ARFGEF2: variants seen among roughly 807,000 people sequenced by gnomAD.
ARFGEF2 encodes the protein brefeldin A-inhibited guanine nucleotide-exchange protein 2.
ARFGEF2 carries 74 observed loss-of-function variants against 219.9 expected under a neutral mutation model. The ratio of observed to expected loss-of-function variants is 0.34; its 90% CI spans 0.28 to 0.41. The LOEUF (loss-of-function observed/expected upper bound fraction) is 0.41. Among genes scored for constraint, ARFGEF2 ranks in the 10% least tolerant of loss-of-function variants. ARFGEF2 has a pLI of 1.00. For synonymous variants in ARFGEF2, 733 were observed against 799.2 expected (o/e 0.92, Z 1.40); for missense variants, 1,743 against 2,218.3 (o/e 0.79, Z 4.30).
At chr20:49,016,129 C>A in intron 30 of ARFGEF2, 151 bp from the exon 31 acceptor site, 1 of 794,360 alleles carries the variant, frequency 1.3e-6, no homozygotes, top group Non-Finnish European at 2.1e-6. Context: ...TGTATATCCT[C>A]TGTACATATG....
chr20:48,970,831 A>G (rs2091222655), intron 9 of ARFGEF2, among the ~76,000 whole-genome samples: 1 of 152,104 alleles, frequency 6.6e-6, no homozygotes, highest in Non-Finnish European at 1.5e-5. Context: ...TGATTCTTGC[A>G]GTACAGTTGC....
intron 26 of ARFGEF2, among the ~76,000 whole-genome samples, chr20:49,008,597 A>G (rs979542345): frequency 2.0e-5 from 3 of 151,986 alleles, no homozygotes; most frequent in East Asian, 1.9e-4. Context: ...ATAATGTGGG[A>G]AATGACTAAT....
intron 2 of ARFGEF2, 128 bp downstream of exon 2, chr20:48,941,357 A>C (rs768119369): frequency 1.0e-6 from 1 of 981,084 alleles, no homozygotes; most frequent in Non-Finnish European, 1.6e-6. Context: ...CTCTGCAAGC[A>C]TGGTGCTAGG....
At chr20:48,963,175 C>CAAAAAAAAAAA (rs71337478) in intron 6 of ARFGEF2, among the ~76,000 whole-genome samples, 5 of 110,830 alleles carry the variant, frequency 4.5e-5, no homozygotes, top group East Asian at 2.6e-4. Context: ...AACTCTGTCT[C>CAAAAAAAAAAA]AAAAAAAAAA....
At chr20:48,966,050 C>T in intron 8 of ARFGEF2, 27 bp downstream of exon 8, 1 of 1,613,680 alleles carries the variant, frequency 6.2e-7, no homozygotes, top group African/African-American at 1.3e-5. Context: ...CCTCTGTGGA[C>T]TTATTGCCAT....
intron 20 of ARFGEF2, 113 bp downstream of exon 20, chr20:48,989,797 A>C: frequency 6.7e-7 from 1 of 1,486,114 alleles, no homozygotes; most frequent in Non-Finnish European, 9.2e-7. Context: ...TTAGCAAGCT[A>C]CTTACTTATG....
chr20:48,953,356 T>C (rs1456044002), intron 5 of ARFGEF2, among the ~76,000 whole-genome samples, 200 bp from the exon 6 acceptor site: 1 of 151,898 alleles, frequency 6.6e-6, no homozygotes, highest in Non-Finnish European at 1.5e-5. Context: ...TTTTATTTTC[T>C]ATAGAGACAG....
chr20:49,025,328 G>A lies in ARFGEF2; in HGVS notation c.4771G>A (p.Ala1591Thr), dbSNP rs779067106. The A allele has an allele frequency of 4.3e-6, 7 of 1,612,136 alleles. No individual in the cohort carries two copies. The East Asian group carries it at 8.9e-5, about 21-fold the overall frequency. The change falls in exon 36 of 39, where the codon GCA (alanine) becomes ACA (threonine). Residue 1591 changes from alanine (A) to threonine (T), a missense_variant. By Grantham distance (58) the Ala-to-Thr change is moderately conservative. This residue lies in a region of ARFGEF2 where 578 missense variants were observed against 664.0 expected (regional missense o/e 0.87). Transcript: ENST00000371917. ...MVAAQQDTLD[A>T]DIHIETEDQG... ...TGTCCTCTAGCAAGACACGCTGGAT[G>A]CAGATATCCACATAGAGACGGAGGA...
At chr20:48,945,359 G>A (rs1411168322) in intron 3 of ARFGEF2, among the ~76,000 whole-genome samples, 1 of 152,194 alleles carries the variant, frequency 6.6e-6, no homozygotes, top group Non-Finnish European at 1.5e-5. Flanking sequence ...TAAACATTTA[G>A]TATGTGTTCC....
chr20:48,952,766 C>T lies in ARFGEF2; in HGVS notation c.485C>T (p.Thr162Ile). 6.2e-7 allele frequency: 1 copy of T among 1,614,202 alleles called. No individual in the cohort carries two copies. Among genetic ancestry groups the T allele is most frequent in the Non-Finnish European group, 8.5e-7 (1 of 1,180,026 alleles). The change falls in exon 5 of 39, where the codon ACA becomes ATA. Residue 162 changes from threonine to isoleucine, a missense_variant. Around this residue, in one of 5 missense-constraint regions of ARFGEF2, gnomAD observed 394 missense variants for 426.6 expected, o/e 0.92. Coordinates refer to ENST00000371917, the MANE Select transcript of ARFGEF2 (RefSeq NM_006420.3). ...IEIHEGTILQ[T>I]VRTCYNIYLA... is the part of the protein sequence containing the mutation. ...ATTCATGAGGGTACTATCCTGCAGA[C>T]AGTGAGAACATGTTACAATATCTAT...
At chr20:49,030,032 C>T (rs1275667104) in intron 37 of ARFGEF2, among the ~76,000 whole-genome samples, 3 of 151,398 alleles carry the variant, frequency 2.0e-5, no homozygotes, top group Non-Finnish European at 2.9e-5. Context: ...ATCAGCCTCC[C>T]GAGTAGCTGG....
In ARFGEF2 at chr20:48,971,134, G is replaced by T; in HGVS notation, c.1205G>T (p.Arg402Leu). ...GPPDPKSHEL[R>L]SKVVSLQLLL... ...TTCTTTGCCAGATCCCATGAGCTGCGTTCCAAGGTGGTTTCCCTGCAGCTG... is the reference window on the plus strand; with the variant it reads ...TTCTTTGCCAGATCCCATGAGCTGCTTTCCAAGGTGGTTTCCCTGCAGCTG... Residue 402 changes from arginine (R) to leucine (L), a missense_variant, in exon 10 of 39, where the codon CGT becomes CTT. Arg to Leu is a moderately radical substitution (Grantham distance 102). This residue lies in a region of ARFGEF2 where 666 missense variants were observed against 955.4 expected (regional missense o/e 0.70). Transcript: ENST00000371917. 6.2e-7 allele frequency: 1 copy of T among 1,613,986 alleles called. No individual in the cohort carries two copies. Among genetic ancestry groups the T allele is most frequent in the Non-Finnish European group, 8.5e-7 (1 of 1,179,992 alleles).
chr20:48,951,392 G>A lies in ARFGEF2; in HGVS notation c.346G>A (p.Asp116Asn), dbSNP rs748227723. 1.2e-5 allele frequency: 19 copies of A among 1,614,072 alleles called. No homozygotes were observed. Among genetic ancestry groups the A allele is most frequent in the South Asian group, 2.2e-5 (2 of 91,082 alleles). ...DSGAPGKRLI[D>N]RIVETICSCF... Reference sequence around the variant, plus strand: ...TGGAGCCCCTGGGAAGCGGCTGATCGACAGAATTGTTGAAACCATTTGCAG... The same window carrying A: ...TGGAGCCCCTGGGAAGCGGCTGATCAACAGAATTGTTGAAACCATTTGCAG... Residue 116 changes from aspartate (D) to asparagine (N), a missense_variant, in exon 4 of 39, where the codon GAC becomes AAC. Physicochemically the swap from Asp to Asn is conservative, Grantham distance 23. This residue lies in a region of ARFGEF2 where 394 missense variants were observed against 426.6 expected (regional missense o/e 0.92). Transcript: ENST00000371917.
intron 26 of ARFGEF2, among the ~76,000 whole-genome samples, chr20:49,009,025 A>G (rs2123512356): frequency 6.6e-6 from 1 of 152,156 alleles, no homozygotes; most frequent in East Asian, 1.9e-4. Context: ...TTTTTATCAT[A>G]CTTTTTCTGT....
At chr20:49,025,283 A>G (rs2123564443) in intron 35 of ARFGEF2, 30 bp from the exon 36 acceptor site, 1 of 1,592,886 alleles carries the variant, frequency 6.3e-7, no homozygotes, top group South Asian at 1.1e-5. Context: ...CTTCTTCATT[A>G]GCTCTTCTAT....
rs569160139 is a variant in ARFGEF2, at chr20:48,983,182, G to A, written c.1959-1547G>A. 3.3e-5 allele frequency among the ~76,000 whole-genome samples: 5 copies of A among 152,312 alleles called. No individual in the cohort carries two copies. The South Asian group carries it at 1.0e-3, about 32-fold the overall frequency. On this transcript the variant is annotated intron_variant, in intron 14 of 38. Transcript: ENST00000371917. ...TATATTTTTCTGAACCATTTTGAAA[G>A]TAATTGGTAGCCATCATGAGACCTT...
At position 49,013,585 on chromosome 20, in the gene ARFGEF2, G is replaced by A; in HGVS notation, c.3940G>A (p.Asp1314Asn). The change falls in exon 29 of 39, where the codon GAT (aspartate) becomes AAT (asparagine). Residue 1314 changes from aspartate (D) to asparagine (N), a missense_variant. By Grantham distance (23) the Asp-to-Asn change is conservative. This residue lies in a region of ARFGEF2 where 578 missense variants were observed against 664.0 expected (regional missense o/e 0.87). Transcript: ENST00000371917. Reference protein sequence around the residue: ...RPRVLQEYTSDDMNVAPGDRV... With the variant: ...RPRVLQEYTSNDMNVAPGDRV... ...CTAGGTGCTACAAGAATACACAAGT[G>A]ATGACATGAATGTAGCTCCTGGTGA... 3 of 1,614,174 alleles carry A rather than the reference G, an allele frequency of 1.9e-6. No homozygotes were observed. Among genetic ancestry groups the A allele is most frequent in the Non-Finnish European group, 2.5e-6 (3 of 1,180,014 alleles).
In ARFGEF2 at chr20:48,995,675, T is replaced by A. The variant is rs890735302; in HGVS notation, c.3122-108T>A. 5.1e-6 allele frequency: 5 copies of A among 973,708 alleles called. No homozygotes were observed. The African/African-American group carries it at 8.0e-5, about 15-fold the overall frequency. 60.3% of individuals were successfully genotyped at this position (973,708 alleles called of 1,614,324 possible). ...TTGTTTCTTTTTTGAACTTGCAGAG[T>A]CATTCCCATTTATGTCCCCTGTCCC... On this transcript the variant is annotated intron_variant, in intron 22 of 38. Transcript: ENST00000371917.
At position 48,985,490 on chromosome 20, in the gene ARFGEF2, G is replaced by A; in HGVS notation, c.2153G>A (p.Cys718Tyr). 1 of 1,614,206 alleles carries A rather than the reference G, an allele frequency of 6.2e-7. No individual in the cohort carries two copies. Among genetic ancestry groups the A allele is most frequent in the Non-Finnish European group, 8.5e-7 (1 of 1,180,044 alleles). Reference protein sequence around the residue: ...MYAYVDQLDFCEKEFVSALRT... With the variant: ...MYAYVDQLDFYEKEFVSALRT... Reference sequence around the variant, plus strand: ...GCCTACGTGGACCAACTTGACTTCTGTGAAAAAGAATTTGTCTCAGCCCTG... The same window carrying A: ...GCCTACGTGGACCAACTTGACTTCTATGAAAAAGAATTTGTCTCAGCCCTG... Residue 718 changes from cysteine (C) to tyrosine (Y), a missense_variant, in exon 16 of 39, where the codon TGT (cysteine) becomes TAT (tyrosine). Coordinates refer to ENST00000371917, the MANE Select transcript of ARFGEF2 (RefSeq NM_006420.3).
Sources: allele counts gnomAD v4.1 joint callset (sites outside exome capture counted in the v4.1 genomes callset), GRCh38; gene constraint gnomAD v4.1.1; regional missense constraint gnomAD v4.1.1; transcripts MANE v1.5; gene names NCBI Gene and HGNC (gene_info 2026-07-23, HGNC 2026-07-21).